CLTCL1: variants seen among roughly 807,000 people sequenced by gnomAD.
CLTCL1 encodes clathrin heavy chain like 1.
CLTCL1 carries 159 observed loss-of-function variants against 190.0 expected under a neutral mutation model. The observed-to-expected ratio is 0.84, with a 90% CI of 0.74 to 0.95. CLTCL1 has a LOEUF of 0.95. Among genes scored for constraint, CLTCL1 ranks in the 40% least tolerant of loss-of-function variants. CLTCL1 has a pLI of 0.00. For synonymous variants in CLTCL1, 752 were observed against 769.6 expected, an observed-to-expected ratio of 0.98 and a Z score of 0.38; for missense variants, 1,878 against 2,033.4, an observed-to-expected ratio of 0.92 and a Z score of 1.47.
At chr22:19,253,243 C>A (rs550367932) in intron 3 of CLTCL1, among the ~76,000 whole-genome samples, 9 of 152,246 alleles carry the variant, frequency 5.9e-5, no homozygotes, top group African/African-American at 2.2e-4. Flanking sequence ...ACAGTGCAGA[C>A]ACACGGGGGC....
At chr22:19,213,838 T>C (rs2085305104) in intron 19 of CLTCL1, among the ~76,000 whole-genome samples, 1 of 152,176 alleles carries the variant, frequency 6.6e-6, no homozygotes, top group Non-Finnish European at 1.5e-5. Context: ...GATGGAATTG[T>C]TTGTATCCCG....
At chr22:19,280,817 T>G (rs1385945091) in intron 1 of CLTCL1, among the ~76,000 whole-genome samples, 1 of 61,918 alleles carries the variant, frequency 1.6e-5, no homozygotes, top group Non-Finnish European at 3.0e-5. Context: ...AGACTCCATC[T>G]CAAAAAAAAA....
At chr22:19,231,913 A>G (rs2085928138) in intron 10 of CLTCL1, among the ~76,000 whole-genome samples, 1 of 152,186 alleles carries the variant, frequency 6.6e-6, no homozygotes, top group Admixed American at 6.5e-5. Flanking sequence ...TATTATTTCT[A>G]AACAGTTGTT....
At chr22:19,287,041 T>C (rs776095101) in intron 1 of CLTCL1, among the ~76,000 whole-genome samples, 3 of 152,320 alleles carry the variant, frequency 2.0e-5, no homozygotes, top group East Asian at 1.9e-4. Flanking sequence ...TTTTTTGATA[T>C]AGCTGGGGGG....
chr22:19,205,254 A>C (rs1555942108), intron 22 of CLTCL1, among the ~76,000 whole-genome samples: 2 of 152,238 alleles, frequency 1.3e-5, no homozygotes, highest in Non-Finnish European at 1.5e-5. Flanking sequence ...TCACCCCTGT[A>C]ATCCCAGCAC....
chr22:19,242,965 G>A (rs782419035), intron 3 of CLTCL1, 29 bp from the exon 4 acceptor site: 26 of 1,578,552 alleles, frequency 1.6e-5, no homozygotes, highest in Non-Finnish European at 2.3e-5. Flanking sequence ...CAATGAAAGG[G>A]AGAGAAAAGA....
chr22:19,239,441 G>A lies in CLTCL1; in HGVS notation c.682-53C>T. The A allele has an allele frequency of 2.2e-6, 3 of 1,355,074 alleles. No individual in the cohort carries two copies. In the South Asian group the frequency reaches 3.5e-5, roughly 16 times the overall value. The allele number at this position is 1,355,074 out of a possible 1,614,324, so 83.9% of individuals were successfully genotyped here. A position where few individuals can be genotyped will look rare whatever the true frequency, so the allele number is the denominator to read the frequency against. ...GGGGACCGCCTGTGGTGGTGGGCAA[G>A]TGCTAGTCAAGGCACAGAGGCAAGT... On this transcript the variant is annotated intron_variant, in intron 4 of 32. Coordinates refer to ENST00000427926, the MANE Select transcript of CLTCL1 (RefSeq NM_007098.4).
chr22:19,264,142 G>A (rs1601688535), intron 2 of CLTCL1, among the ~76,000 whole-genome samples: 1 of 151,720 alleles, frequency 6.6e-6, no homozygotes, highest in African/African-American at 2.4e-5. Flanking sequence ...AAGAAAAAAT[G>A]TTTTTAATTA....
At chr22:19,259,386 G>GT (rs1283139773) in intron 2 of CLTCL1, among the ~76,000 whole-genome samples, 41 of 151,762 alleles carry the variant, frequency 2.7e-4, no homozygotes, top group African/African-American at 8.9e-4. Flanking sequence ...GATTACAGGC[G>GT]TTTTTTTTGT....
chr22:19,192,331 C>T (rs1569151806), intron 26 of CLTCL1, among the ~76,000 whole-genome samples: 1 of 152,174 alleles, frequency 6.6e-6, no homozygotes, highest in Non-Finnish European at 1.5e-5. Flanking sequence ...TCCCAAAGTG[C>T]TGGGATTACA....
chr22:19,235,743 G>A lies in CLTCL1; in HGVS notation c.922C>T (p.Pro308Ser), dbSNP rs782022834. ...ATAATTCCAGAGGTTGGTTTGTGTG[G>A]AGCAGTGACAAATATTGTGTCAGCA... is the stretch of plus-strand genomic sequence containing the variant. ...ISADTIFVTA[P>S]HKPTSGIIGV... is the part of the protein sequence containing the mutation. Residue 308 changes from proline (P) to serine (S), a missense_variant, in exon 6 of 33, where the codon CCA becomes TCA. Pro to Ser is a moderately conservative substitution (Grantham distance 74, BLOSUM62 -1). Transcript: ENST00000427926. 1.9e-6 allele frequency: 3 copies of A among 1,613,994 alleles called. No homozygotes were observed. Among genetic ancestry groups the A allele is most frequent in the Non-Finnish European group, 1.7e-6 (2 of 1,179,878 alleles).
chr22:19,284,032 CA>C (rs1555988678), intron 1 of CLTCL1, among the ~76,000 whole-genome samples: 3 of 149,692 alleles, frequency 2.0e-5, no homozygotes, highest in Non-Finnish European at 3.0e-5. Context: ...GGGGAATATG[CA>C]AAAAGAAATT....
At chr22:19,254,835 T>G (rs188213454) in intron 2 of CLTCL1, among the ~76,000 whole-genome samples, 13 of 152,330 alleles carry the variant, frequency 8.5e-5, no homozygotes, top group African/African-American at 3.1e-4. Flanking sequence ...TTAATTAATT[T>G]AAGTGTTAAA....
chr22:19,229,833 C>A lies in CLTCL1; in HGVS notation c.1782+5G>T. On this transcript the variant is annotated splice_donor_5th_base_variant and intron_variant, in intron 11 of 32. Coordinates refer to ENST00000427926, the MANE Select transcript of CLTCL1 (RefSeq NM_007098.4). ...CCTCTCGGTGTTAGCCTACAAGTCA[C>A]TGACCTGGGGTGCATGAACAAGGTT... 1.3e-6 allele frequency: 2 copies of A among 1,597,696 alleles called. No individual in the cohort carries two copies. Among genetic ancestry groups the A allele is most frequent in the Admixed American group, 1.8e-5 (1 of 56,538 alleles).
chr22:19,188,121 T>G (rs1555929422), intron 27 of CLTCL1, 30 bp from the exon 28 acceptor site: 1 of 1,601,508 alleles, frequency 6.2e-7, no homozygotes, highest in Non-Finnish European at 8.6e-7. Context: ...GTCAAGGCAC[T>G]TGGCCAAGCT....
At chr22:19,223,385 T>G (rs549287739) in intron 14 of CLTCL1, among the ~76,000 whole-genome samples, 2 of 152,030 alleles carry the variant, frequency 1.3e-5, no homozygotes, top group Non-Finnish European at 2.9e-5. Flanking sequence ...AAACCACCTA[T>G]GCTGGTTCCT....
intron 22 of CLTCL1, among the ~76,000 whole-genome samples, chr22:19,203,937 C>G (rs2084974499): frequency 6.6e-6 from 1 of 152,256 alleles, no homozygotes; most frequent in Non-Finnish European, 1.5e-5. Context: ...CCTCACACCC[C>G]ACTTGGCAGC....
chr22:19,204,233 T>C (rs782362280), intron 22 of CLTCL1, among the ~76,000 whole-genome samples: 36 of 152,188 alleles, frequency 2.4e-4, no homozygotes, highest in Non-Finnish European at 4.6e-4. Flanking sequence ...CCTGAAGTCC[T>C]GACCCGCAGA....
At position 19,239,380 on chromosome 22, in the gene CLTCL1, G is replaced by C; in HGVS notation, c.690C>G (p.Ile230Met). ...CCGCTGCAGGCTGTCCAACTTCAAT[G>C]ATGTGCAACTAGAAGAGAGATTTTA... ...VRNPTGGKLH[I>M]IEVGQPAAGN... The change falls in exon 5 of 33, where the codon ATC becomes ATG. Residue 230 changes from isoleucine to methionine, a missense_variant. Physicochemically the swap from Ile to Met is conservative, Grantham distance 10. Coordinates refer to ENST00000427926, the MANE Select transcript of CLTCL1 (RefSeq NM_007098.4). 6.2e-7 allele frequency: 1 copy of C among 1,613,366 alleles called. No individual in the cohort carries two copies. Among genetic ancestry groups the C allele is most frequent in the Non-Finnish European group, 8.5e-7 (1 of 1,179,266 alleles).
Sources: allele counts gnomAD v4.1 joint callset (sites outside exome capture counted in the v4.1 genomes callset), GRCh38; gene constraint gnomAD v4.1.1; transcripts MANE v1.5; gene names NCBI Gene and HGNC (gene_info 2026-07-23, HGNC 2026-07-21).